MUSK: variants seen among roughly 807,000 people sequenced by gnomAD.
MUSK encodes the protein muscle associated receptor tyrosine kinase.
In MUSK, 55 loss-of-function variants were observed where a neutral mutation model predicts 88.7. The observed-to-expected ratio is 0.62, with a 90% confidence interval of 0.50 to 0.78. MUSK has a LOEUF of 0.78. Among genes scored for constraint, MUSK ranks in the 30% least tolerant of loss-of-function variants. The pLI, the probability that MUSK is intolerant of heterozygous loss-of-function variation, is 0.00. For synonymous variants in MUSK, 387 were observed against 391.9 expected, an observed-to-expected ratio of 0.99 and a Z score of 0.15; for missense variants, 1,015 against 1,074.3, an observed-to-expected ratio of 0.94 and a Z score of 0.77.
chr9:110,692,229 G>A (rs2076366666), intron 3 of MUSK, among the ~76,000 whole-genome samples: 1 of 152,014 alleles, frequency 6.6e-6, no homozygotes, highest in Non-Finnish European at 1.5e-5. Context: ...GTGTGACCAT[G>A]GCTCACTGCA....
intron 6 of MUSK, among the ~76,000 whole-genome samples, chr9:110,735,353 T>C (rs1342042312): frequency 2.0e-5 from 3 of 152,212 alleles, no homozygotes; most frequent in Admixed American, 6.5e-5. Flanking sequence ...GTGGTACATA[T>C]ACACAATGAA....
At chr9:110,740,555 G>A (rs1391582667) in intron 6 of MUSK, among the ~76,000 whole-genome samples, 5 of 152,026 alleles carry the variant, frequency 3.3e-5, no homozygotes, top group African/African-American at 4.8e-5. Context: ...TTAAATAACA[G>A]TGACTAAAAC....
intron 3 of MUSK, among the ~76,000 whole-genome samples, chr9:110,692,442 G>A (rs1459891132): frequency 1.3e-5 from 2 of 152,012 alleles, no homozygotes; most frequent in Admixed American, 6.6e-5. Flanking sequence ...CCAAAGTATC[G>A]AGATTATAGG....
At position 110,747,655 on chromosome 9, in the gene MUSK, C is replaced by T; in HGVS notation, c.768C>T (p.Ser256=). The T allele has an allele frequency of 6.2e-7, 1 of 1,611,590 alleles. No individual in the cohort carries two copies. Among genetic ancestry groups the T allele is most frequent in the Non-Finnish European group, 8.5e-7 (1 of 1,178,128 alleles). The part of the protein sequence containing the change: ...IENGNAVSSG[S]IQESVKDRVI... ...TACTCTGTCAGGTTTCTTCTGGGTC[C>T]ATTCAAGAGAGTGTGAAAGACCGAG... is the stretch of plus-strand genomic sequence containing the variant. The change falls in exon 7 of 15, where the codon TCC becomes TCT. Residue 256 remains serine, a synonymous_variant. Coordinates refer to ENST00000374448, the MANE Select transcript of MUSK (RefSeq NM_005592.4).
Position 110,768,040 on chromosome 9 carries a change from G to A in MUSK, c.1141G>A (p.Glu381Lys). 6.2e-7 allele frequency: 1 copy of A among 1,614,000 alleles called. No individual in the cohort carries two copies. Among genetic ancestry groups the A allele is most frequent in the Non-Finnish European group, 8.5e-7 (1 of 1,179,896 alleles). ...EALLCNHIFQ[E>K]CSPGVVPTPI... ...TTTGTTGTGTAACCACATCTTCCAG[G>A]AGTGCAGTCCTGGAGTAGTGCCTAC... The change falls in exon 9 of 15, where the codon GAG becomes AAG. Residue 381 changes from glutamate to lysine, a missense_variant. Physicochemically the swap from Glu to Lys is moderately conservative, Grantham distance 56. Transcript: ENST00000374448.
intron 6 of MUSK, among the ~76,000 whole-genome samples, chr9:110,743,386 T>C (rs971561918): frequency 6.6e-6 from 1 of 152,212 alleles, no homozygotes; most frequent in Non-Finnish European, 1.5e-5. Flanking sequence ...TTTACAATCT[T>C]GGAAATAGTA....
At chr9:110,686,058 G>C (rs10817073) in intron 2 of MUSK, among the ~76,000 whole-genome samples, 97,463 of 151,822 alleles carry the variant, frequency 0.64, 31,878 homozygotes, top group African/African-American at 0.68. Context: ...GAGTTCACAC[G>C]TATGAAATAA....
At position 110,797,118 on chromosome 9, in the gene MUSK, A is replaced by C. The variant is rs2078008250; in HGVS notation, c.1928-3188A>C. On this transcript the variant is annotated intron_variant, in intron 14 of 14. Transcript: ENST00000374448. ...GTACCCTAAAACTTAGAGTATAACA[A>C]AAAAATAAAAAAATAAAAAATAAAA... Among the ~76,000 whole-genome samples the C allele has an allele frequency of 3.8e-5, 2 of 52,814 alleles. 1 individual carries two copies. Among genetic ancestry groups the C allele is most frequent in the Non-Finnish European group, 8.1e-5 (2 of 24,820 alleles). 34.6% of individuals were successfully genotyped at this position (52,814 alleles called of 152,430 possible).
At chr9:110,690,041 GTATAAATA>G (rs1220606483) in intron 3 of MUSK, among the ~76,000 whole-genome samples, 1 of 81,202 alleles carries the variant, frequency 1.2e-5, no homozygotes, top group Non-Finnish European at 2.0e-5. Context: ...ATTAATATAA[GTATAAATA>G]TATAAATATA....
intron 5 of MUSK, among the ~76,000 whole-genome samples, chr9:110,718,708 C>T (rs963692122): frequency 3.3e-5 from 5 of 152,006 alleles, no homozygotes; most frequent in African/African-American, 1.2e-4. Context: ...GAGATCTAGA[C>T]ATCCGAATAC....
intron 6 of MUSK, among the ~76,000 whole-genome samples, chr9:110,747,200 GGTGGTA>G (rs2131875541): frequency 6.6e-6 from 1 of 152,336 alleles, no homozygotes; most frequent in South Asian, 2.1e-4. Context: ...AGATTGAAAA[GGTGGTA>G]GTTGGTTCAG....
At position 110,802,715 on chromosome 9, in the gene MUSK, T is replaced by C. The variant is rs2078112265; in HGVS notation, c.*1727T>C. ...TCCCTTCAACCCAAGAGCCAATGAC[T>C]CAACCTCTACCGTTGCCCACCCTGT... On this transcript the variant is annotated 3_prime_UTR_variant, in exon 15 of 15. Transcript: ENST00000374448. 6.6e-6 allele frequency among the ~76,000 whole-genome samples: 1 copy of C among 152,210 alleles called. No individual in the cohort carries two copies. Among genetic ancestry groups the C allele is most frequent in the Non-Finnish European group, 1.5e-5 (1 of 68,042 alleles).
chr9:110,761,332 T>C (rs968264450), intron 7 of MUSK, among the ~76,000 whole-genome samples: 8 of 152,012 alleles, frequency 5.3e-5, no homozygotes, highest in Non-Finnish European at 1.2e-4. Flanking sequence ...CGGTAAGGAT[T>C]TCAAGGTAGG....
chr9:110,708,020 C>T (rs538406793), intron 5 of MUSK, among the ~76,000 whole-genome samples: 1 of 152,242 alleles, frequency 6.6e-6, no homozygotes, highest in South Asian at 2.1e-4. Flanking sequence ...AACTTTTTAT[C>T]TGAAGATATT....
At chr9:110,720,252 A>T (rs779358002) in intron 5 of MUSK, among the ~76,000 whole-genome samples, 18 of 152,068 alleles carry the variant, frequency 1.2e-4, no homozygotes, top group Non-Finnish European at 2.4e-4. Flanking sequence ...TGAGAGCAGA[A>T]CTAAATGAAA....
At chr9:110,776,595 G>C (rs2077675146) in intron 10 of MUSK, 37 bp from the exon 11 acceptor site, 2 of 1,534,366 alleles carry the variant, frequency 1.3e-6, no homozygotes, top group Non-Finnish European at 1.8e-6. Flanking sequence ...ATATCTGGAT[G>C]CTCACTTAAA....
At chr9:110,749,632 G>T (rs964707263) in intron 7 of MUSK, among the ~76,000 whole-genome samples, 1 of 152,196 alleles carries the variant, frequency 6.6e-6, no homozygotes. Context: ...ATGCTGAGGT[G>T]TTAGGAGGTT....
chr9:110,684,719 T>G lies in MUSK; in HGVS notation c.206+1919T>G, dbSNP rs193255598. ...CTTCTTTGATTAATTCCTAGCTATT[T>G]AATTTTATGTGTGGCTATTGTAAAT... On this transcript the variant is annotated intron_variant, in intron 2 of 14. Coordinates refer to ENST00000374448, the MANE Select transcript of MUSK (RefSeq NM_005592.4). 1.4e-4 allele frequency among the ~76,000 whole-genome samples: 21 copies of G among 152,212 alleles called. No homozygotes were observed. The East Asian group carries it at 3.7e-3, about 27-fold the overall frequency.
intron 4 of MUSK, among the ~76,000 whole-genome samples, chr9:110,695,941 C>A (rs2076425090): frequency 2.0e-5 from 3 of 152,040 alleles, no homozygotes; most frequent in Non-Finnish European, 4.4e-5. Context: ...GAAATGAGAT[C>A]TCTGGAGAGA....
Sources: gnomAD v4.1 joint callset for allele counts (sites outside exome capture counted in the v4.1 genomes callset) on GRCh38, gnomAD v4.1.1 for gene constraint, MANE v1.5 for transcripts, NCBI Gene and HGNC (gene_info 2026-07-23, HGNC 2026-07-21) for gene names.